The following GUCY1A2 variants were observed in gnomAD, a reference collection of about 807,000 sequenced individuals.
The protein encoded by GUCY1A2 is guanylate cyclase 1 soluble subunit alpha 2, also known as guanylate cyclase soluble subunit alpha-2.
A neutral mutation model predicts 63.5 loss-of-function variants in GUCY1A2; 27 were observed. The ratio of observed to expected loss-of-function variants is 0.43; its 90% CI spans 0.31 to 0.59. The LOEUF (loss-of-function observed/expected upper bound fraction) is 0.59, where lower values mean the gene tolerates loss of function less well. Ranked by LOEUF, GUCY1A2 falls within the 20% of genes least tolerant of loss-of-function variation. The pLI is 0.11. For missense variants in GUCY1A2, 768 were observed against 913.3 expected (o/e 0.84, Z 2.05); for synonymous variants, 364 against 343.5 (o/e 1.06, Z -0.66).
At chr11:106,862,495 C>A (rs1484722135) in intron 4 of GUCY1A2, among the ~76,000 whole-genome samples, 3 of 139,430 alleles carry the variant, frequency 2.2e-5, no homozygotes, top group South Asian at 4.6e-4. Flanking sequence ...AAACAAACAA[C>A]AAACAAAAAA....
intron 4 of GUCY1A2, among the ~76,000 whole-genome samples, chr11:106,870,985 G>A (rs1859669376): frequency 6.6e-6 from 1 of 151,976 alleles, no homozygotes; most frequent in South Asian, 2.1e-4. Flanking sequence ...ATTTTCATTG[G>A]CTTATTATGA....
chr11:106,959,138 T>C (rs1420679318), intron 3 of GUCY1A2, among the ~76,000 whole-genome samples: 3 of 152,310 alleles, frequency 2.0e-5, no homozygotes, highest in East Asian at 1.9e-4. Flanking sequence ...GCTATGTTTG[T>C]CATTATGTCA....
chr11:106,978,816 A>T, intron 2 of GUCY1A2, 76 bp from the exon 3 acceptor site: 2 of 887,528 alleles, frequency 2.3e-6, no homozygotes, highest in South Asian at 3.2e-5. Context: ...ACACACGCAC[A>T]AGCACACGCA....
At chr11:106,933,517 G>A (rs532071829) in intron 4 of GUCY1A2, among the ~76,000 whole-genome samples, 6 of 152,180 alleles carry the variant, frequency 3.9e-5, no homozygotes, top group East Asian at 1.9e-4. Flanking sequence ...TTAGTTCAGC[G>A]TTTGTGAAAA....
intron 3 of GUCY1A2, among the ~76,000 whole-genome samples, chr11:106,958,438 T>C (rs895110999): frequency 2.0e-5 from 3 of 152,206 alleles, no homozygotes; most frequent in Non-Finnish European, 2.9e-5. Flanking sequence ...AGTCCACTAG[T>C]TCTAATATAC....
intron 3 of GUCY1A2, among the ~76,000 whole-genome samples, chr11:106,967,006 G>A (rs990112322): frequency 2.0e-5 from 3 of 152,182 alleles, no homozygotes; most frequent in Non-Finnish European, 1.5e-5. Context: ...AGAGGTGAAT[G>A]AAGTCTCATA....
At chr11:106,792,170 G>A (rs1245928962) in intron 5 of GUCY1A2, among the ~76,000 whole-genome samples, 2 of 151,924 alleles carry the variant, frequency 1.3e-5, no homozygotes, top group South Asian at 2.1e-4. Flanking sequence ...GGCAGATCAC[G>A]AGGTCAGGAG....
intron 4 of GUCY1A2, among the ~76,000 whole-genome samples, chr11:106,888,636 C>T (rs1035036924): frequency 6.6e-6 from 1 of 152,088 alleles, no homozygotes; most frequent in Non-Finnish European, 1.5e-5. Flanking sequence ...GCGTTTGTAC[C>T]ACAATAAGTG....
Position 106,940,193 on chromosome 11 carries a change from GA to G in GUCY1A2, c.488-16del. On this transcript the variant is annotated splice_polypyrimidine_tract_variant and intron_variant, in intron 3 of 7. Transcript: ENST00000526355. The stretch of plus-strand genomic sequence containing the variant: ...AAACTTCAAACCTAGAGGTAAATGG[GA>G]AGCAAATGTTAGTGAAGTCTAATAT... 8.2e-7 allele frequency: 1 copy of G among 1,212,490 alleles called. No homozygotes were observed. The highest frequency in any genetic ancestry group is 1.3e-5 in the South Asian group (1 of 77,644). The allele number at this position is 1,212,490 out of a possible 1,614,324, so 75.1% of individuals were successfully genotyped here.
At chr11:107,010,456 T>A (rs1861727736) in intron 1 of GUCY1A2, among the ~76,000 whole-genome samples, 1 of 152,174 alleles carries the variant, frequency 6.6e-6, no homozygotes, top group Non-Finnish European at 1.5e-5. Flanking sequence ...AAATATTATA[T>A]AAATGGACGA....
intron 3 of GUCY1A2, among the ~76,000 whole-genome samples, chr11:106,955,862 G>A (rs1010586432): frequency 3.3e-5 from 5 of 152,062 alleles, no homozygotes; most frequent in African/African-American, 1.2e-4. Flanking sequence ...GGTTGGGGAA[G>A]TTCTCCTGGA....
chr11:107,008,311 T>C (rs1432675587), intron 1 of GUCY1A2, among the ~76,000 whole-genome samples: 1 of 149,028 alleles, frequency 6.7e-6, no homozygotes, highest in Non-Finnish European at 1.5e-5. Flanking sequence ...ATAATCATAC[T>C]ACCCAAAGTG....
chr11:106,825,437 T>G (rs947065946), intron 4 of GUCY1A2, among the ~76,000 whole-genome samples: 1 of 148,086 alleles, frequency 6.8e-6, no homozygotes, highest in Non-Finnish European at 1.5e-5. Flanking sequence ...CTAACACTGA[T>G]GACAGCTGAT....
At chr11:106,894,160 C>T (rs1860013122) in intron 4 of GUCY1A2, among the ~76,000 whole-genome samples, 1 of 152,056 alleles carries the variant, frequency 6.6e-6, no homozygotes, top group Non-Finnish European at 1.5e-5. Flanking sequence ...AAGAGAAATA[C>T]CCAACAGGTC....
intron 7 of GUCY1A2, among the ~76,000 whole-genome samples, chr11:106,704,783 T>C (rs1319528196): frequency 6.6e-6 from 1 of 151,988 alleles, no homozygotes; most frequent in East Asian, 1.9e-4. Flanking sequence ...TAAGCAATTA[T>C]TTCTGTTTTA....
intron 6 of GUCY1A2, among the ~76,000 whole-genome samples, chr11:106,709,497 TA>T (rs1357560202): frequency 4.2e-4 from 22 of 52,754 alleles, no homozygotes; most frequent in African/African-American, 2.3e-3. Flanking sequence ...TATATATATA[TA>T]ATAATATATA....
chr11:106,825,103 T>A, intron 4 of GUCY1A2: 1 of 688,134 alleles, frequency 1.5e-6, no homozygotes, highest in Non-Finnish European at 2.3e-6. Context: ...TCTGAAGATC[T>A]AAACTTTTGA....
intron 7 of GUCY1A2, among the ~76,000 whole-genome samples, chr11:106,707,980 T>A (rs1368452030): frequency 1.3e-5 from 2 of 152,210 alleles, no homozygotes; most frequent in East Asian, 3.9e-4. Flanking sequence ...GATTTTCAAA[T>A]TTGGGATGCT....
intron 3 of GUCY1A2, among the ~76,000 whole-genome samples, chr11:106,940,698 AT>A (rs1860741266): frequency 6.6e-6 from 1 of 152,120 alleles, no homozygotes; most frequent in African/African-American, 2.4e-5. Context: ...CACTTAGAGC[AT>A]TTTCACTGCC....
Sources: allele counts gnomAD v4.1 joint callset (sites outside exome capture counted in the v4.1 genomes callset), GRCh38; gene constraint gnomAD v4.1.1; transcripts MANE v1.5; gene names NCBI Gene and HGNC (gene_info 2026-07-23, HGNC 2026-07-21).